The following ARNT2 variants were observed in gnomAD, a reference collection of about 807,000 sequenced individuals.
ARNT2 encodes the protein ARNT protein 2.
A neutral mutation model predicts 91.7 loss-of-function variants in ARNT2; 36 were observed. The observed-to-expected ratio is 0.39, with a 90% CI of 0.30 to 0.52. ARNT2 has a LOEUF of 0.52. Among genes scored for constraint, ARNT2 ranks in the 20% least tolerant of loss-of-function variants. The pLI is 0.72. For missense variants in ARNT2, 775 were observed against 939.3 expected (o/e 0.83, Z 2.29); for synonymous variants, 365 against 347.1 (o/e 1.05, Z -0.57).
intron 11 of ARNT2, chr15:80,562,860 A>G (rs1467052744): frequency 1.6e-6 from 1 of 624,610 alleles, no homozygotes; most frequent in Non-Finnish European, 2.9e-6. Flanking sequence ...GCTTTCTCAT[A>G]CCGTGGTTAC....
In ARNT2 at chr15:80,580,457, T is replaced by C; in HGVS notation, c.1660T>C (p.Ser554Pro). 1 of 1,614,158 alleles carries C rather than the reference T, an allele frequency of 6.2e-7. No individual in the cohort carries two copies. Among genetic ancestry groups the C allele is most frequent in the Non-Finnish European group, 8.5e-7 (1 of 1,180,034 alleles). ...TGGAGTGAATGATATTCAGTCCTCTTCTTCCACGGGCCAGAACATGTCCCA... is the reference window on the plus strand; with the variant it reads ...TGGAGTGAATGATATTCAGTCCTCTCCTTCCACGGGCCAGAACATGTCCCA... ...VPGVNDIQSS[S>P]STGQNMSQIS... is the part of the protein sequence containing the mutation. The change falls in exon 16 of 19, where the codon TCT becomes CCT. Residue 554 changes from serine (S) to proline (P), a missense_variant. By Grantham distance (74) the Ser-to-Pro change is moderately conservative (BLOSUM62 -1). Around this residue, in one of 5 missense-constraint regions of ARNT2, gnomAD observed 325 missense variants for 359.9 expected, o/e 0.90. Coordinates refer to ENST00000303329, the MANE Select transcript of ARNT2 (RefSeq NM_014862.4).
At position 80,552,739 on chromosome 15, in the gene ARNT2, C is replaced by A; in HGVS notation, c.1054C>A (p.Pro352Thr). ...CGATGGAATCATCACATTTGTGGAT[C>A]CAAGATGTATCAGTGTGATTGGCTA... Reference protein sequence around the residue: ...NSDGIITFVDPRCISVIGYQP... With the variant: ...NSDGIITFVDTRCISVIGYQP... Residue 352 changes from proline to threonine, a missense_variant, in exon 10 of 19, where the codon CCA (proline) becomes ACA (threonine). Around this residue, in one of 5 missense-constraint regions of ARNT2, gnomAD observed 285 missense variants for 327.2 expected, o/e 0.87. Transcript: ENST00000303329. The A allele has an allele frequency of 6.2e-7, 1 of 1,613,988 alleles. No homozygotes were observed. The highest frequency in any genetic ancestry group is 8.5e-7 in the Non-Finnish European group (1 of 1,179,950).
chr15:80,508,822 G>A (rs949262796), intron 6 of ARNT2, among the ~76,000 whole-genome samples: 2 of 152,174 alleles, frequency 1.3e-5, no homozygotes, highest in Non-Finnish European at 2.9e-5. Context: ...CATCATAATT[G>A]AAGAAATGCA....
chr15:80,542,488 G>T (rs1462656805), intron 8 of ARNT2, among the ~76,000 whole-genome samples: 7 of 152,124 alleles, frequency 4.6e-5, no homozygotes, highest in Non-Finnish European at 7.3e-5. Flanking sequence ...TAGTAGGATG[G>T]CATGTTTCTG....
intron 1 of ARNT2, among the ~76,000 whole-genome samples, chr15:80,416,933 A>G (rs1895793676): frequency 6.6e-6 from 1 of 152,154 alleles, no homozygotes; most frequent in Non-Finnish European, 1.5e-5. Context: ...GGCAGACCTC[A>G]TCTTTGGGTC....
chr15:80,419,122 T>A (rs906337404), intron 1 of ARNT2, among the ~76,000 whole-genome samples: 1 of 152,120 alleles, frequency 6.6e-6, no homozygotes, highest in Non-Finnish European at 1.5e-5. Context: ...AATAGGTACC[T>A]CAGTGATTTG....
chr15:80,441,022 A>G (rs1896180019), intron 1 of ARNT2, among the ~76,000 whole-genome samples: 1 of 152,240 alleles, frequency 6.6e-6, no homozygotes, highest in Admixed American at 6.5e-5. Flanking sequence ...CTTGGACTTC[A>G]AGAAAAATCC....
chr15:80,428,534 C>A lies in ARNT2; in HGVS notation c.32-22346C>A, dbSNP rs151146890. Among the ~76,000 whole-genome samples the A allele has an allele frequency of 7.2e-5, 11 of 152,312 alleles. No individual in the cohort carries two copies. In the East Asian group the frequency reaches 2.1e-3, roughly 29 times the overall value. Reference sequence around the variant, plus strand: ...TGAAACCACTGTCCACTGAAATGTGCTCAGTTGATAAATGTAGAAACTGCG... The same window carrying A: ...TGAAACCACTGTCCACTGAAATGTGATCAGTTGATAAATGTAGAAACTGCG... On this transcript the variant is annotated intron_variant, in intron 1 of 18. Coordinates refer to ENST00000303329, the MANE Select transcript of ARNT2 (RefSeq NM_014862.4).
At chr15:80,414,795 G>T (rs969882569) in intron 1 of ARNT2, among the ~76,000 whole-genome samples, 1 of 146,788 alleles carries the variant, frequency 6.8e-6, no homozygotes, top group East Asian at 2.0e-4. Flanking sequence ...AATATTTCAC[G>T]CCAGAAAACT....
chr15:80,581,266 C>T lies in ARNT2; in HGVS notation c.1780C>T (p.Gln594Ter). The part of the protein sequence containing the change: ...QQIPSQSSKT[Q>*]SSPFGIGTSH... ...AATCCCATCTCAGTCCAGCAAGACT[C>T]AGTCATCTCCCTTTGGGATTGGAAC... The change falls in exon 17 of 19, where the codon CAG becomes TAG. Residue 594 changes from glutamine to a stop codon, truncating the protein, a stop_gained. Coordinates refer to ENST00000303329, the MANE Select transcript of ARNT2 (RefSeq NM_014862.4). LOFTEE classifies it high-confidence loss of function. 6.2e-7 allele frequency: 1 copy of T among 1,614,160 alleles called. No individual in the cohort carries two copies. Among genetic ancestry groups the T allele is most frequent in the Non-Finnish European group, 8.5e-7 (1 of 1,180,036 alleles).
intron 8 of ARNT2, among the ~76,000 whole-genome samples, chr15:80,520,072 A>T (rs546363128): frequency 6.6e-6 from 1 of 150,592 alleles, no homozygotes; most frequent in South Asian, 2.1e-4. Context: ...TGCATGACCC[A>T]GTTCCCAGTT....
chr15:80,410,798 ATCTATCTATCT>A (rs1895670783), intron 1 of ARNT2, among the ~76,000 whole-genome samples: 1 of 129,694 alleles, frequency 7.7e-6, no homozygotes, highest in Non-Finnish European at 1.7e-5. Context: ...CTATCTATCT[ATCTATCTATCT>A]ATCATCTATC....
intron 12 of ARNT2, 64 bp from the exon 13 acceptor site, chr15:80,574,084 T>C: frequency 7.0e-7 from 1 of 1,427,226 alleles, no homozygotes; most frequent in South Asian, 1.1e-5. Context: ...GGAAAAGTCC[T>C]GGCTTAGCCC....
intron 17 of ARNT2, among the ~76,000 whole-genome samples, chr15:80,584,464 T>G (rs1009409519): frequency 3.9e-5 from 6 of 152,016 alleles, no homozygotes; most frequent in African/African-American, 1.4e-4. Flanking sequence ...TGAGGATGGT[T>G]ACTCCCGAGG....
At chr15:80,587,222 C>T (rs1893188529) in intron 17 of ARNT2, among the ~76,000 whole-genome samples, 1 of 152,102 alleles carries the variant, frequency 6.6e-6, no homozygotes, top group South Asian at 2.1e-4. Context: ...GTTACTTTAT[C>T]CAGCAGGGTT....
At chr15:80,561,147 G>A (rs777665606) in intron 11 of ARNT2, among the ~76,000 whole-genome samples, 4 of 152,170 alleles carry the variant, frequency 2.6e-5, no homozygotes, top group Non-Finnish European at 4.4e-5. Flanking sequence ...TGGCCAAGAC[G>A]ACAGACACCA....
At chr15:80,549,109 G>C (rs918205708) in intron 8 of ARNT2, among the ~76,000 whole-genome samples, 1 of 152,114 alleles carries the variant, frequency 6.6e-6, no homozygotes, top group African/African-American at 2.4e-5. Context: ...GAAATTATAT[G>C]ATAAAGTTGG....
At position 80,513,940 on chromosome 15, in the gene ARNT2, C is replaced by T; in HGVS notation, c.755C>T (p.Pro252Leu). The T allele has an allele frequency of 6.2e-7, 1 of 1,613,800 alleles. No homozygotes were observed. The highest frequency in any genetic ancestry group is 8.5e-7 in the Non-Finnish European group (1 of 1,179,732). Residue 252 changes from proline (P) to leucine (L), a missense_variant, in exon 7 of 19, where the codon CCT becomes CTT. Physicochemically the swap from Pro to Leu is moderately conservative, Grantham distance 98. Coordinates refer to ENST00000303329, the MANE Select transcript of ARNT2 (RefSeq NM_014862.4). ...RCGNAPLDHL[P>L]LNRITTMRKR... ...GGAAATGCTCCTTTGGACCACCTTCCTCTAAACAGAATAACCACCATGAGG... is the reference window on the plus strand; with the variant it reads ...GGAAATGCTCCTTTGGACCACCTTCTTCTAAACAGAATAACCACCATGAGG...
intron 12 of ARNT2, among the ~76,000 whole-genome samples, chr15:80,571,040 A>G (rs56401601): frequency 0.072 from 10,900 of 152,212 alleles, 1,141 homozygotes; most frequent in African/African-American, 0.24. Flanking sequence ...TACATATTTT[A>G]TAATGCCGAG....
Sources: allele counts gnomAD v4.1 joint callset (sites outside exome capture counted in the v4.1 genomes callset), GRCh38; gene constraint gnomAD v4.1.1; regional missense constraint gnomAD v4.1.1; transcripts MANE v1.5; gene names NCBI Gene and HGNC (gene_info 2026-07-23, HGNC 2026-07-21).